VEGFC: variants seen among roughly 807,000 people sequenced by gnomAD.
The protein encoded by VEGFC is vascular endothelial growth factor C, also known as FLT4 ligand DHM.
Under a neutral mutation model 46.1 loss-of-function variants are expected in VEGFC, and 12 were observed. That is an observed-to-expected ratio of 0.26 (90% CI 0.17 to 0.42). VEGFC has a LOEUF of 0.42. Among genes scored for constraint, VEGFC ranks in the 10% least tolerant of loss-of-function variants. VEGFC has a pLI of 1.00. For synonymous variants in VEGFC, 232 were observed against 195.5 expected (o/e 1.19, Z -1.56); for missense variants, 488 against 529.4 (o/e 0.92, Z 0.77).
chr4:176,774,954 C>T (rs1396825912), intron 1 of VEGFC, among the ~76,000 whole-genome samples: 1 of 152,180 alleles, frequency 6.6e-6, no homozygotes. Context: ...CAGACTAGGG[C>T]AAGCTTCAGC....
At position 176,792,684 on chromosome 4, in the gene VEGFC, T is replaced by A. The variant is rs1385006439; in HGVS notation, c.-373A>T. 1 of 165,250 alleles carries A rather than the reference T, an allele frequency of 6.1e-6. No individual in the cohort carries two copies. The highest frequency in any genetic ancestry group is 2.4e-5 in the African/African-American group (1 of 41,728). The allele number at this position is 165,250 out of a possible 1,614,324, so 10.2% of individuals were successfully genotyped here. ...CGGGGGACACCAGAACACCCCGCGA[T>A]GTTCAGCCCCTCCAAACCCGCCAGA... On this transcript the variant is annotated 5_prime_UTR_variant, in exon 1 of 7. Transcript: ENST00000618562. The surrounding 1 kb of genome is among the most constrained non-coding windows in gnomAD (Gnocchi z 6.3).
intron 6 of VEGFC, 110 bp downstream of exon 6, chr4:176,687,077 G>A: frequency 8.6e-7 from 1 of 1,168,154 alleles, no homozygotes; most frequent in Non-Finnish European, 1.2e-6. Context: ...CTTTCAGAAT[G>A]TATTGGCCTC....
chr4:176,699,809 CAT>C (rs1734393984), intron 4 of VEGFC, among the ~76,000 whole-genome samples: 1 of 152,168 alleles, frequency 6.6e-6, no homozygotes, highest in African/African-American at 2.4e-5. Flanking sequence ...ATCAGAAATA[CAT>C]ATATTTTAGG....
chr4:176,735,778 C>T (rs1028435014), intron 1 of VEGFC, among the ~76,000 whole-genome samples: 2 of 151,768 alleles, frequency 1.3e-5, no homozygotes, highest in Non-Finnish European at 2.9e-5. Flanking sequence ...TAACATCATG[C>T]CAGCTGCTTC....
At chr4:176,743,032 G>A (rs376651783) in intron 1 of VEGFC, among the ~76,000 whole-genome samples, 29 of 152,098 alleles carry the variant, frequency 1.9e-4, no homozygotes, top group East Asian at 1.2e-3. Context: ...CAAAGGAACC[G>A]GAAGAAGCAG....
intron 1 of VEGFC, among the ~76,000 whole-genome samples, chr4:176,786,929 T>C (rs1736010673): frequency 6.6e-6 from 1 of 152,110 alleles, no homozygotes; most frequent in South Asian, 2.1e-4. Context: ...TCCATCTGCT[T>C]ATCCAAAATG....
intron 3 of VEGFC, among the ~76,000 whole-genome samples, chr4:176,716,751 G>C (rs1005773388): frequency 6.6e-6 from 1 of 151,988 alleles, no homozygotes; most frequent in Non-Finnish European, 1.5e-5. Flanking sequence ...ATTTGTTCTT[G>C]CCATTAATAA....
At chr4:176,718,783 A>G (rs756175238) in intron 3 of VEGFC, among the ~76,000 whole-genome samples, 15 of 152,174 alleles carry the variant, frequency 9.9e-5, no homozygotes, top group Non-Finnish European at 2.1e-4. Context: ...AGTAAAATAT[A>G]TAAGGTAAAT....
intron 1 of VEGFC, among the ~76,000 whole-genome samples, chr4:176,752,050 T>C (rs1254104150): frequency 2.0e-5 from 3 of 152,070 alleles, no homozygotes; most frequent in African/African-American, 4.8e-5. Flanking sequence ...GCTTACATTC[T>C]GAAAAATTCA....
At chr4:176,730,917 C>G (rs906673870) in intron 1 of VEGFC, among the ~76,000 whole-genome samples, 1 of 151,886 alleles carries the variant, frequency 6.6e-6, no homozygotes, top group Non-Finnish European at 1.5e-5. Flanking sequence ...TATAACAGAG[C>G]CTCCTAAAAA....
intron 1 of VEGFC, among the ~76,000 whole-genome samples, chr4:176,779,652 G>C (rs527437899): frequency 2.0e-4 from 28 of 137,548 alleles, no homozygotes; most frequent in South Asian, 1.6e-3. Flanking sequence ...CTCCTGAGGA[G>C]ACCATGCTCC....
chr4:176,786,509 T>C (rs1736004774), intron 1 of VEGFC, among the ~76,000 whole-genome samples: 1 of 152,188 alleles, frequency 6.6e-6, no homozygotes, highest in Non-Finnish European at 1.5e-5. Context: ...CCCATGCAAC[T>C]CCCAGAAGGC....
At chr4:176,787,367 G>C (rs1342711958) in intron 1 of VEGFC, among the ~76,000 whole-genome samples, 2 of 144,814 alleles carry the variant, frequency 1.4e-5, no homozygotes, top group African/African-American at 5.1e-5. Flanking sequence ...TGAGGCACGA[G>C]AATCGCTTGA....
intron 4 of VEGFC, 136 bp from the exon 5 acceptor site, chr4:176,688,063 G>T: frequency 1.9e-6 from 1 of 540,146 alleles, no homozygotes; most frequent in Non-Finnish European, 3.3e-6. Context: ...AAATGTGAAT[G>T]TTTTCTCCCA....
chr4:176,711,393 A>G (rs1734616858), intron 4 of VEGFC, 106 bp downstream of exon 4: 9 of 1,291,846 alleles, frequency 7.0e-6, no homozygotes, highest in Non-Finnish European at 9.4e-6. Flanking sequence ...GAAGCAGAGT[A>G]TATTACAGTA....
At chr4:176,699,485 A>G (rs1385453683) in intron 4 of VEGFC, among the ~76,000 whole-genome samples, 3 of 152,238 alleles carry the variant, frequency 2.0e-5, no homozygotes, top group Non-Finnish European at 4.4e-5. Flanking sequence ...TATTATGAAG[A>G]ACATAGATAC....
At chr4:176,711,788 T>C (rs1386156183) in intron 3 of VEGFC, 138 bp from the exon 4 acceptor site, 1 of 762,568 alleles carries the variant, frequency 1.3e-6, no homozygotes, top group Non-Finnish European at 2.0e-6. Flanking sequence ...GCTATGTTTT[T>C]ATGATTACAA....
chr4:176,703,668 T>C (rs978947358), intron 4 of VEGFC, among the ~76,000 whole-genome samples: 1 of 152,162 alleles, frequency 6.6e-6, no homozygotes, highest in South Asian at 2.1e-4. Flanking sequence ...TTTGAGGTGA[T>C]GGATATCCAA....
At chr4:176,758,364 C>T (rs1735469466) in intron 1 of VEGFC, among the ~76,000 whole-genome samples, 1 of 152,110 alleles carries the variant, frequency 6.6e-6, no homozygotes, top group Non-Finnish European at 1.5e-5. Context: ...CACCGATCTA[C>T]CAAATGAATA....
Sources: gnomAD v4.1 joint callset for allele counts (sites outside exome capture counted in the v4.1 genomes callset) on GRCh38, gnomAD v4.1.1 for gene constraint, Gnocchi (gnomAD v3.1) non-coding constraint, MANE v1.5 for transcripts, NCBI Gene and HGNC (gene_info 2026-07-23, HGNC 2026-07-21) for gene names.